The following CMSS1 variants were observed in gnomAD, a reference collection of about 807,000 sequenced individuals.
CMSS1 encodes protein CMSS1.
CMSS1 carries 33 observed loss-of-function variants against 43.5 expected under a neutral mutation model. That is an observed-to-expected ratio of 0.76 (90% CI 0.57 to 1.01). CMSS1 has a LOEUF of 1.01. CMSS1 is among the 50% of genes least tolerant of loss of function. The pLI is 0.00. For missense variants in CMSS1, 313 were observed against 326.4 expected (o/e 0.96, Z 0.32); for synonymous variants, 115 against 117.2 (o/e 0.98, Z 0.12).
chr3:100,094,862 G>GT (rs1484015793), intron 1 of CMSS1, among the ~76,000 whole-genome samples: 1 of 151,556 alleles, frequency 6.6e-6, no homozygotes, highest in Non-Finnish European at 1.5e-5. Context: ...TTGTGTGTGT[G>GT]TTTTTTTAGT....
chr3:100,145,429 C>T (rs2066840922), intron 1 of CMSS1, among the ~76,000 whole-genome samples: 1 of 150,492 alleles, frequency 6.6e-6, no homozygotes, highest in African/African-American at 2.5e-5. Flanking sequence ...GCCTGGGCGA[C>T]AGAGAGAGAT....
At chr3:99,883,270 A>G (rs1232306219) in intron 1 of CMSS1, among the ~76,000 whole-genome samples, 2 of 152,200 alleles carry the variant, frequency 1.3e-5, no homozygotes, top group Admixed American at 1.3e-4. Flanking sequence ...GGCTGCTTCT[A>G]ACTTCCACTC....
chr3:100,179,601 GCTCCC>G lies in CMSS1; in HGVS notation c.*1214_*1218del, dbSNP rs78582416. 0.14 allele frequency: 21,294 copies of G among 152,238 alleles called. 1,817 individuals carry two copies. The highest frequency in any genetic ancestry group is 0.21 in the South Asian group (1,026 of 4,818). The allele number at this position is 152,238 out of a possible 1,614,324, so 9.4% of individuals were successfully genotyped here. A position where few individuals can be genotyped will look rare whatever the true frequency, so the allele number is the denominator to read the frequency against. ...CAGGCCACTCTGATGCAAGGAGTGGGCTCCCAAGGCCTTAGGCAGCTCTGCCCCTG... is the reference window on the plus strand; with the variant it reads ...CAGGCCACTCTGATGCAAGGAGTGGGAAGGCCTTAGGCAGCTCTGCCCCTG... On this transcript the variant is annotated 3_prime_UTR_variant, in exon 10 of 10. Coordinates refer to ENST00000421999, the MANE Select transcript of CMSS1 (RefSeq NM_032359.4).
intron 1 of CMSS1, among the ~76,000 whole-genome samples, chr3:99,901,370 C>T (rs1339340071): frequency 1.3e-5 from 2 of 152,142 alleles, no homozygotes; most frequent in Non-Finnish European, 2.9e-5. Flanking sequence ...AATGCCAAAT[C>T]CTCAAAAATG....
At chr3:99,836,639 C>T (rs1197581151) in intron 1 of CMSS1, among the ~76,000 whole-genome samples, 6 of 152,164 alleles carry the variant, frequency 3.9e-5, no homozygotes, top group Non-Finnish European at 7.3e-5. Flanking sequence ...CTACCATGTG[C>T]CCACATCCTC....
At chr3:100,136,089 G>C (rs1274594791) in intron 1 of CMSS1, among the ~76,000 whole-genome samples, 1 of 152,156 alleles carries the variant, frequency 6.6e-6, no homozygotes, top group Non-Finnish European at 1.5e-5. Flanking sequence ...CTCCTTTCCA[G>C]TTCAGAATGA....
intron 1 of CMSS1, among the ~76,000 whole-genome samples, chr3:99,914,593 G>A (rs1466668350): frequency 6.6e-6 from 1 of 152,180 alleles, no homozygotes; most frequent in African/African-American, 2.4e-5. Context: ...TATAAAGTAA[G>A]AAATTGGTTC....
chr3:100,034,916 T>C (rs922064129), intron 1 of CMSS1, among the ~76,000 whole-genome samples: 1 of 152,170 alleles, frequency 6.6e-6, no homozygotes, highest in Non-Finnish European at 1.5e-5. Context: ...TAGTCCACTT[T>C]CCTATTTTAA....
intron 1 of CMSS1, among the ~76,000 whole-genome samples, chr3:99,914,867 T>A (rs1013583501): frequency 1.3e-5 from 2 of 152,196 alleles, no homozygotes; most frequent in Non-Finnish European, 2.9e-5. Context: ...TGTGATACAG[T>A]AGTATTCATC....
At chr3:99,967,450 C>T (rs1255930188) in intron 1 of CMSS1, among the ~76,000 whole-genome samples, 1 of 152,172 alleles carries the variant, frequency 6.6e-6, no homozygotes, top group East Asian at 1.9e-4. Flanking sequence ...GAATTTAATG[C>T]ATTGCAGGAA....
chr3:99,898,051 G>A (rs765737834), intron 1 of CMSS1: 8 of 151,726 alleles, frequency 5.3e-5, no homozygotes, highest in African/African-American at 1.2e-4. Flanking sequence ...CCAGTTAGTC[G>A]TCAGAATGTA....
intron 1 of CMSS1, among the ~76,000 whole-genome samples, chr3:99,963,970 G>A (rs1369495993): frequency 6.6e-6 from 1 of 152,074 alleles, no homozygotes; most frequent in Admixed American, 6.5e-5. Flanking sequence ...ATGATCAGTA[G>A]GCCAGGCAGG....
At chr3:100,062,176 A>ATCTTGGC (rs1413663340) in intron 1 of CMSS1, among the ~76,000 whole-genome samples, 1 of 124,368 alleles carries the variant, frequency 8.0e-6, no homozygotes, top group Non-Finnish European at 1.6e-5. Context: ...CAGTGGCGCG[A>ATCTTGGC]TCTTGGCTCA....
At chr3:100,092,096 T>C (rs964642450) in intron 1 of CMSS1, among the ~76,000 whole-genome samples, 3 of 152,252 alleles carry the variant, frequency 2.0e-5, no homozygotes, top group African/African-American at 4.8e-5. Flanking sequence ...CTTAAAAATG[T>C]ACTCTGTAAA....
chr3:99,903,738 C>T (rs1383266742), intron 1 of CMSS1, among the ~76,000 whole-genome samples: 1 of 152,110 alleles, frequency 6.6e-6, no homozygotes, highest in African/African-American at 2.4e-5. Context: ...AACTGGGACC[C>T]TGGGCTGGTT....
chr3:99,824,022 A>G (rs1446820067), intron 1 of CMSS1, among the ~76,000 whole-genome samples: 1 of 151,494 alleles, frequency 6.6e-6, no homozygotes, highest in African/African-American at 2.4e-5. Context: ...TCCTGAGTTC[A>G]AATGATTCTC....
intron 1 of CMSS1, among the ~76,000 whole-genome samples, chr3:99,938,514 C>T (rs924827877): frequency 6.6e-6 from 1 of 152,150 alleles, no homozygotes; most frequent in African/African-American, 2.4e-5. Flanking sequence ...ATTTAACACC[C>T]CATACTTTGC....
At chr3:99,842,595 T>C (rs759696761) in intron 1 of CMSS1, among the ~76,000 whole-genome samples, 4 of 151,464 alleles carry the variant, frequency 2.6e-5, no homozygotes, top group Admixed American at 6.6e-5. Flanking sequence ...CTCACTAAAA[T>C]AAGAAAACTA....
At chr3:100,164,959 C>A (rs917600515) in intron 4 of CMSS1, among the ~76,000 whole-genome samples, 3 of 152,142 alleles carry the variant, frequency 2.0e-5, no homozygotes, top group Non-Finnish European at 2.9e-5. Flanking sequence ...GTTGGAGTCA[C>A]CCGGAGCTAA....
Sources: gnomAD v4.1 joint callset for allele counts (sites outside exome capture counted in the v4.1 genomes callset) on GRCh38, gnomAD v4.1.1 for gene constraint, MANE v1.5 for transcripts, NCBI Gene and HGNC (gene_info 2026-07-23, HGNC 2026-07-21) for gene names.